Variants in ENTREP1 observed in about 807,000 individuals in gnomAD.
ENTREP1 encodes Friedreich ataxia region gene X123.
chr9:69,372,496 G>A, the ENTREP1 span, among the ~76,000 whole-genome samples: 1 of 152,128 alleles, frequency 6.6e-6, no homozygotes, highest in Non-Finnish European at 1.5e-5. Flanking sequence ...GGTTCATCAT[G>A]TTGTAGCATG....
the ENTREP1 span, among the ~76,000 whole-genome samples, chr9:69,361,230 A>C: frequency 6.6e-6 from 1 of 152,180 alleles, no homozygotes; most frequent in Middle Eastern, 3.2e-3. Context: ...ATCCAGATCA[A>C]GATACAGAAA....
At chr9:69,327,645 G>A in the ENTREP1 span, among the ~76,000 whole-genome samples, 2 of 62,676 alleles carry the variant, frequency 3.2e-5, no homozygotes, top group Non-Finnish European at 8.0e-5. Context: ...AAAAAAAAAG[G>A]CCTTCCACCA....
chr9:69,364,280 T>C, the ENTREP1 span, among the ~76,000 whole-genome samples: 2 of 152,156 alleles, frequency 1.3e-5, no homozygotes, highest in Admixed American at 1.3e-4. Flanking sequence ...TCTCACAGAA[T>C]TGGCCTAAGA....
the ENTREP1 span, among the ~76,000 whole-genome samples, chr9:69,378,409 G>T: frequency 6.6e-6 from 1 of 152,162 alleles, no homozygotes; most frequent in South Asian, 2.1e-4. Flanking sequence ...TATTGGTACA[G>T]TGAAATGCCG....
the ENTREP1 span, chr9:69,381,238 C>A: frequency 6.6e-6 from 1 of 152,192 alleles, no homozygotes; most frequent in African/African-American, 2.4e-5. Context: ...GAGGGTGACC[C>A]AGGATGAGTC....
the ENTREP1 span, among the ~76,000 whole-genome samples, chr9:69,337,878 A>G: frequency 6.6e-6 from 1 of 152,146 alleles, no homozygotes; most frequent in Non-Finnish European, 1.5e-5. Context: ...TTTTGTATAT[A>G]TGCTTAATAG....
the ENTREP1 span, among the ~76,000 whole-genome samples, chr9:69,367,803 A>G: frequency 1.1e-5 from 1 of 87,048 alleles, no homozygotes; most frequent in African/African-American, 4.3e-5. Context: ...ATATATAAAT[A>G]TATATACACA....
the ENTREP1 span, among the ~76,000 whole-genome samples, chr9:69,367,754 T>TATATACACATATATATAA: frequency 1.6e-5 from 2 of 127,044 alleles, no homozygotes; most frequent in Non-Finnish European, 3.3e-5. Context: ...CATATATAAA[T>TATATACACATATATATAA]ATATATATAC....
chr9:69,364,630 C>G, the ENTREP1 span, among the ~76,000 whole-genome samples: 1 of 151,956 alleles, frequency 6.6e-6, no homozygotes, highest in Admixed American at 6.6e-5. Context: ...CCCTGTAAAC[C>G]CTGAGTTCTT....
the ENTREP1 span, among the ~76,000 whole-genome samples, chr9:69,366,994 A>G: frequency 1.3e-5 from 2 of 151,972 alleles, no homozygotes; most frequent in Non-Finnish European, 2.9e-5. Context: ...ATAGCTCACT[A>G]TAGCCTTGAT....
the ENTREP1 span, among the ~76,000 whole-genome samples, chr9:69,337,389 A>C: frequency 6.6e-5 from 10 of 152,212 alleles, no homozygotes; most frequent in Admixed American, 1.3e-4. Flanking sequence ...TGAGTTGAAC[A>C]ACCTTAGAAT....
At chr9:69,388,914 A>G in the ENTREP1 span, among the ~76,000 whole-genome samples, 1 of 152,232 alleles carries the variant, frequency 6.6e-6, no homozygotes, top group African/African-American at 2.4e-5. Flanking sequence ...AAATAAGCCA[A>G]CAGGTCCTAA....
the ENTREP1 span, chr9:69,391,555 T>C: frequency 6.4e-7 from 1 of 1,550,444 alleles, no homozygotes; most frequent in Non-Finnish European, 8.9e-7. Context: ...GGGCCACATC[T>C]GGTAAAGCTT....
the ENTREP1 span, among the ~76,000 whole-genome samples, chr9:69,390,203 CT>C: frequency 2.6e-5 from 4 of 152,188 alleles, no homozygotes; most frequent in Non-Finnish European, 4.4e-5. Context: ...AATTAGTAGA[CT>C]GTTAATAAAA....
At chr9:69,326,435 C>T in the ENTREP1 span, among the ~76,000 whole-genome samples, 1 of 152,130 alleles carries the variant, frequency 6.6e-6, no homozygotes, top group African/African-American at 2.4e-5. Flanking sequence ...TCCTGGAGTG[C>T]CCAGCAGCTA....
chr9:69,337,005 CTTTTTTTT>C, the ENTREP1 span, among the ~76,000 whole-genome samples: 3 of 56,000 alleles, frequency 5.4e-5, no homozygotes, highest in Non-Finnish European at 8.8e-5. Context: ...GCTGTTATTC[CTTTTTTTT>C]TTTTTTTTTT....
At chr9:69,357,489 C>T in the ENTREP1 span, among the ~76,000 whole-genome samples, 1 of 152,158 alleles carries the variant, frequency 6.6e-6, no homozygotes, top group Non-Finnish European at 1.5e-5. Flanking sequence ...GAGCAACAGT[C>T]GGTTCTGTTC....
chr9:69,325,388 G>C, the ENTREP1 span: 1 of 1,127,050 alleles, frequency 8.9e-7, no homozygotes, highest in Non-Finnish European at 1.1e-6. Flanking sequence ...CGGGGGCCCG[G>C]GCGCCGCTGC....
the ENTREP1 span, among the ~76,000 whole-genome samples, chr9:69,370,732 A>C: frequency 6.6e-6 from 1 of 152,130 alleles, no homozygotes; most frequent in Non-Finnish European, 1.5e-5. Context: ...TTACCAGCCA[A>C]CTCTGACATA....
Sources: gnomAD v4.1 joint callset for allele counts (sites outside exome capture counted in the v4.1 genomes callset) on GRCh38, gnomAD v4.1.1 for gene constraint, MANE v1.5 for transcripts, NCBI Gene and HGNC (gene_info 2026-07-23, HGNC 2026-07-21) for gene names.